AMBRA1: variants seen among roughly 807,000 people sequenced by gnomAD.
AMBRA1 encodes autophagy and beclin 1 regulator 1, also known as activating molecule in BECN1-regulated autophagy protein 1.
In AMBRA1, 47 loss-of-function variants were observed where a neutral mutation model predicts 125.4. The ratio of observed to expected loss-of-function variants is 0.37; its 90% CI spans 0.30 to 0.48. The LOEUF is 0.48. Among genes scored for constraint, AMBRA1 ranks in the 20% least tolerant of loss-of-function variants. The pLI, the probability that AMBRA1 is intolerant of heterozygous loss-of-function variation, is 0.99. For synonymous variants in AMBRA1, 626 were observed against 655.5 expected (o/e 0.95, Z 0.69); for missense variants, 1,331 against 1,693.4 (o/e 0.79, Z 3.76).
intron 14 of AMBRA1, chr11:46,428,966 A>C: frequency 1.2e-6 from 2 of 1,612,394 alleles, no homozygotes; most frequent in African/African-American, 2.7e-5. Flanking sequence ...TCTCCAGGCA[A>C]ACTGTTCCTT....
intron 1 of AMBRA1, among the ~76,000 whole-genome samples, chr11:46,561,768 C>A (rs1300769035): frequency 6.6e-6 from 1 of 152,164 alleles, no homozygotes; most frequent in East Asian, 1.9e-4. Context: ...TGCTAAAAGG[C>A]CGACATGCCA....
intron 11 of AMBRA1, among the ~76,000 whole-genome samples, chr11:46,479,330 T>C (rs1451902289): frequency 3.3e-5 from 5 of 152,248 alleles, no homozygotes; most frequent in African/African-American, 1.2e-4. Flanking sequence ...TCTGTATCCA[T>C]GGCCTTAGAG....
chr11:46,398,199 A>G (rs1310994969), intron 17 of AMBRA1, among the ~76,000 whole-genome samples: 1 of 152,266 alleles, frequency 6.6e-6, no homozygotes, highest in Non-Finnish European at 1.5e-5. Flanking sequence ...GCACTGGCCC[A>G]GAAGGCAGCA....
intron 1 of AMBRA1, among the ~76,000 whole-genome samples, chr11:46,572,788 C>A (rs2043810139): frequency 6.6e-6 from 1 of 152,070 alleles, no homozygotes; most frequent in Non-Finnish European, 1.5e-5. Context: ...TTTGTGGTCA[C>A]CAGATTTAAA....
At chr11:46,475,293 C>T (rs1444020751) in intron 11 of AMBRA1, among the ~76,000 whole-genome samples, 1 of 152,172 alleles carries the variant, frequency 6.6e-6, no homozygotes, top group Non-Finnish European at 1.5e-5. Context: ...GGTGTGTCTC[C>T]ATGACATTTG....
chr11:46,561,850 T>C (rs371225226), intron 1 of AMBRA1, among the ~76,000 whole-genome samples: 1 of 152,320 alleles, frequency 6.6e-6, no homozygotes, highest in African/African-American at 2.4e-5. Context: ...GTTATTTAAA[T>C]CTGAGTAGAA....
At chr11:46,454,937 T>C (rs1410542822) in intron 11 of AMBRA1, among the ~76,000 whole-genome samples, 2 of 149,258 alleles carry the variant, frequency 1.3e-5, no homozygotes, top group African/African-American at 5.0e-5. Flanking sequence ...TGGAGTGCAG[T>C]GGCATGACCA....
intron 1 of AMBRA1, among the ~76,000 whole-genome samples, chr11:46,564,184 C>T (rs1231416561): frequency 6.8e-6 from 1 of 146,424 alleles, no homozygotes; most frequent in African/African-American, 2.5e-5. Context: ...AATCTTAAAG[C>T]CTTCTTAAGT....
chr11:46,485,267 CTA>C, intron 11 of AMBRA1, among the ~76,000 whole-genome samples: 1 of 152,250 alleles, frequency 6.6e-6, no homozygotes, highest in African/African-American at 2.4e-5. Flanking sequence ...AAACATTTCA[CTA>C]TACTGTCTCT....
At chr11:46,569,986 G>T (rs978331067) in intron 1 of AMBRA1, among the ~76,000 whole-genome samples, 2 of 150,842 alleles carry the variant, frequency 1.3e-5, no homozygotes, top group Non-Finnish European at 1.5e-5. Context: ...TAAAGGCCAG[G>T]CACGGTGGCT....
At chr11:46,421,210 G>C (rs1433873818) in intron 14 of AMBRA1, among the ~76,000 whole-genome samples, 1 of 152,180 alleles carries the variant, frequency 6.6e-6, no homozygotes, top group Non-Finnish European at 1.5e-5. Flanking sequence ...AGACCCCCGG[G>C]TTGTTGCTAG....
chr11:46,459,200 A>G (rs2136825627), intron 11 of AMBRA1, among the ~76,000 whole-genome samples: 1 of 152,342 alleles, frequency 6.6e-6, no homozygotes, highest in South Asian at 2.1e-4. Context: ...ACAAAATAAA[A>G]TGATGAAAAC....
rs1945521779 is a variant in AMBRA1, at chr11:46,397,674, C to A, written c.3673G>T (p.Gly1225Cys). 6.2e-7 allele frequency: 1 copy of A among 1,612,964 alleles called. No individual in the cohort carries two copies. Among genetic ancestry groups the A allele is most frequent in the Admixed American group, 1.7e-5 (1 of 59,962 alleles). Residue 1225 changes from glycine to cysteine, a missense_variant, in exon 18 of 18, where the codon GGC becomes TGC. Coordinates refer to ENST00000683756, the MANE Select transcript of AMBRA1 (RefSeq NM_001387011.1). ...CAGGAAGCTGTCCGGGGGCTTAGGC[C>A]TCGCTCTGCCAGTTGCCCGGCCTCT... ...LPEAGQLAER[G>C]LSPRTASWDQ... is the part of the protein sequence containing the mutation.
rs769004853 is a variant in AMBRA1, at chr11:46,397,742, T to A, written c.3605A>T (p.His1202Leu). The A allele has an allele frequency of 1.9e-6, 3 of 1,612,638 alleles. No individual in the cohort carries two copies. Among genetic ancestry groups the A allele is most frequent in the Admixed American group, 1.7e-5 (1 of 59,978 alleles). Residue 1202 changes from histidine to leucine, a missense_variant, in exon 18 of 18, where the codon CAC (histidine) becomes CTC (leucine). His to Leu is a moderately conservative substitution (Grantham distance 99). Coordinates refer to ENST00000683756, the MANE Select transcript of AMBRA1 (RefSeq NM_001387011.1). Reference protein sequence around the residue: ...SQTGTEPGAAHTSSPQPSTSR... With the variant: ...SQTGTEPGAALTSSPQPSTSR... ...GGTGGAGGGCTGGGGTGAGGAGGTG[T>A]GGGCGGCACCAGGTTCAGTGCCCGT...
chr11:46,443,384 G>A (rs1277913396), intron 12 of AMBRA1, 104 bp downstream of exon 12: 4 of 851,556 alleles, frequency 4.7e-6, no homozygotes, highest in East Asian at 2.6e-5. Context: ...GATAACAACT[G>A]CTCAATAGGA....
chr11:46,539,396 A>C (rs1218974618), intron 7 of AMBRA1, among the ~76,000 whole-genome samples: 1 of 152,078 alleles, frequency 6.6e-6, no homozygotes, highest in African/African-American at 2.4e-5. Context: ...CGTCTCTACT[A>C]AAAATACAAA....
At chr11:46,408,044 T>C (rs996103096) in intron 17 of AMBRA1, among the ~76,000 whole-genome samples, 1 of 152,162 alleles carries the variant, frequency 6.6e-6, no homozygotes, top group African/African-American at 2.4e-5. Context: ...GGGCTGATGA[T>C]AGGCCAGGCT....
At chr11:46,565,404 T>A (rs1394059553) in intron 1 of AMBRA1, among the ~76,000 whole-genome samples, 1 of 152,074 alleles carries the variant, frequency 6.6e-6, no homozygotes, top group Non-Finnish European at 1.5e-5. Context: ...ATAACTTATG[T>A]TCAGACAAAA....
chr11:46,545,125 AG>A (rs1379346571), intron 5 of AMBRA1, among the ~76,000 whole-genome samples: 2 of 121,020 alleles, frequency 1.7e-5, no homozygotes, highest in African/African-American at 6.2e-5. Flanking sequence ...TGGGTAACAG[AG>A]CAAGACCCTG....
Sources: gnomAD v4.1 joint callset for allele counts (sites outside exome capture counted in the v4.1 genomes callset) on GRCh38, gnomAD v4.1.1 for gene constraint, MANE v1.5 for transcripts, NCBI Gene and HGNC (gene_info 2026-07-23, HGNC 2026-07-21) for gene names.